CDHR4: variants seen among roughly 807,000 people sequenced by gnomAD.
CDHR4 encodes the protein cadherin related family member 4.
Under a neutral mutation model 88.4 loss-of-function variants are expected in CDHR4, and 89 were observed. The observed-to-expected ratio is 1.01, with a 90% CI of 0.85 to 1.20. The LOEUF (loss-of-function observed/expected upper bound fraction) is 1.20, where lower values mean the gene tolerates loss of function less well. Ranked by LOEUF, CDHR4 falls within the 50% of genes most tolerant of loss-of-function variation. The pLI, the probability that CDHR4 is intolerant of heterozygous loss-of-function variation, is 0.00. For missense variants in CDHR4, 914 were observed against 1,007.2 expected (o/e 0.91, Z 1.25); for synonymous variants, 368 against 399.2 (o/e 0.92, Z 0.93).
chr3:49,791,115 C>A (rs142634142), intron 18 of CDHR4, among the ~76,000 whole-genome samples: 1 of 152,304 alleles, frequency 6.6e-6, no homozygotes, highest in Non-Finnish European at 1.5e-5. Flanking sequence ...TGGACACCAG[C>A]TTCCCTAAGG....
At chr3:49,796,370 T>G (rs1194815347) in intron 5 of CDHR4, among the ~76,000 whole-genome samples, 1 of 152,188 alleles carries the variant, frequency 6.6e-6, no homozygotes. Flanking sequence ...AACTTTTTTT[T>G]TTTTTGCCCA....
chr3:49,794,146 C>G, intron 10 of CDHR4, 140 bp from the exon 11 acceptor site: 1 of 798,782 alleles, frequency 1.3e-6, no homozygotes, highest in South Asian at 1.7e-5. Flanking sequence ...CGCCTGTAAT[C>G]CCAGCACTTT....
chr3:49,796,346 A>G (rs2081270506), intron 5 of CDHR4, among the ~76,000 whole-genome samples: 1 of 151,464 alleles, frequency 6.6e-6, no homozygotes, highest in African/African-American at 2.4e-5. Context: ...GACTGCACTG[A>G]CCATTTTACT....
At position 49,795,723 on chromosome 3, in the gene CDHR4, G is replaced by A; in HGVS notation, c.752C>T (p.Pro251Leu). The A allele has an allele frequency of 6.4e-7, 1 of 1,551,678 alleles. No homozygotes were observed. The highest frequency in any genetic ancestry group is 8.7e-7 in the Non-Finnish European group (1 of 1,146,974). Reference sequence around the variant, plus strand: ...CTGGACCTGAACCACCTCACTACCGGGGGCCAGATTCTCAGGGATGGTGAT... The same window carrying A: ...CTGGACCTGAACCACCTCACTACCGAGGGCCAGATTCTCAGGGATGGTGAT... ...QNITIPENLAPGSEVVQVQAR... is the reference protein window; with the variant it reads ...QNITIPENLALGSEVVQVQAR... Residue 251 changes from proline (P) to leucine (L), a missense_variant, in exon 7 of 19, where the codon CCC (proline) becomes CTC (leucine). Physicochemically the swap from Pro to Leu is moderately conservative, Grantham distance 98. Transcript: ENST00000412678. The surrounding 1 kb of genome is among the most constrained non-coding windows in gnomAD (Gnocchi z 5.4).
chr3:49,795,076 G>T lies in CDHR4; in HGVS notation c.1056C>A (p.Pro352=), dbSNP rs1052112325. 1.3e-6 allele frequency: 2 copies of T among 1,551,692 alleles called. No homozygotes were observed. Among genetic ancestry groups the T allele is most frequent in the Non-Finnish European group, 1.7e-6 (2 of 1,146,996 alleles). Residue 352 remains proline, a synonymous_variant, in exon 9 of 19, where the codon CCC becomes CCA. Coordinates refer to ENST00000412678, the MANE Select transcript of CDHR4 (RefSeq NM_001007540.4). This position sits in a 1 kb window ranked among gnomAD's most constrained non-coding sequence, Gnocchi z 5.4. ...TGAGAGTATTCAGCACGGTGCCCAC[G>T]GGTGCAGTCTCCGGGATTTGGGACC... ...LLVSQIPETA[P]VGTVLNTLTC... is the part of the protein sequence containing the mutation.
intron 9 of CDHR4, 27 bp downstream of exon 9, chr3:49,794,920 G>A (rs2081244614): frequency 6.4e-7 from 1 of 1,551,266 alleles, no homozygotes; most frequent in Non-Finnish European, 8.7e-7. Context: ...CACCCTGCAA[G>A]TGGGTCTGGG....
At chr3:49,792,698 C>A in intron 14 of CDHR4, 88 bp from the exon 15 acceptor site, 19 of 1,514,906 alleles carry the variant, frequency 1.3e-5, no homozygotes, top group Non-Finnish European at 1.7e-5. Context: ...TAAGCCACCC[C>A]ACACCCATGA....
chr3:49,792,483 C>T lies in CDHR4; in HGVS notation c.2123G>A (p.Gly708Asp). ...GGATCCCTACCCCTGGAGGAGCCTGCCAAGAAGCCAGCCTAGGGCCAAGAG... is the reference window on the plus strand; with the variant it reads ...GGATCCCTACCCCTGGAGGAGCCTGTCAAGAAGCCAGCCTAGGGCCAAGAG... ...LLLLALGWLL[G>D]RLLQGLAQLL... Residue 708 changes from glycine (G) to aspartate (D), a missense_variant, in exon 15 of 19, where the codon GGC becomes GAC. By Grantham distance (94) the Gly-to-Asp change is moderately conservative. Transcript: ENST00000412678. The T allele has an allele frequency of 6.4e-7, 1 of 1,551,666 alleles. No individual in the cohort carries two copies. Among genetic ancestry groups the T allele is most frequent in the Non-Finnish European group, 8.7e-7 (1 of 1,146,974 alleles).
chr3:49,791,903 C>T lies in CDHR4; in HGVS notation c.2195G>A (p.Ser732Asn). 1 of 1,551,708 alleles carries T rather than the reference C, an allele frequency of 6.4e-7. No individual in the cohort carries two copies. The highest frequency in any genetic ancestry group is 8.7e-7 in the Non-Finnish European group (1 of 1,146,992). ...SKPAQALLLN[S>N]IQGTEGSIEG... ...ATAGAAGTATGCAAAGGAGACTGAC[C>T]TGTTTAGCAGCAAAGCCTGGGCTGG... Residue 732 changes from serine to asparagine, a missense_variant and splice_region_variant, in exon 16 of 19, where the codon AGC (serine) becomes AAC (asparagine). Ser to Asn is a conservative substitution (Grantham distance 46). Transcript: ENST00000412678.
At chr3:49,802,108 C>T (rs2081369336), upstream of CDHR4, among the ~76,000 whole-genome samples, 1 of 152,182 alleles carries the variant, frequency 6.6e-6, no homozygotes, top group Non-Finnish European at 1.5e-5. Flanking sequence ...GCTCCTTCTG[C>T]CTAGAATGTT....
chr3:49,802,231 T>C (rs956738368), upstream of CDHR4, among the ~76,000 whole-genome samples: 1 of 152,048 alleles, frequency 6.6e-6, no homozygotes, highest in African/African-American at 2.4e-5. Context: ...TGGAGTGCAG[T>C]GGCGCGATCT....
At position 49,795,734 on chromosome 3, in the gene CDHR4, C is replaced by T. The variant is rs543137199; in HGVS notation, c.741G>A (p.Glu247=). The T allele has an allele frequency of 4.5e-6, 7 of 1,551,706 alleles. No homozygotes were observed. In the East Asian group the frequency reaches 1.2e-4, roughly 27 times the overall value. ...CCACCTCACTACCGGGGGCCAGATT[C>T]TCAGGGATGGTGATATTCTGAGCCT... The part of the protein sequence containing the change: ...LEQAQNITIP[E]NLAPGSEVVQ... The change falls in exon 7 of 19, where the codon GAG becomes GAA. Residue 247 remains glutamate, a synonymous_variant. Coordinates refer to ENST00000412678, the MANE Select transcript of CDHR4 (RefSeq NM_001007540.4). The surrounding 1 kb of genome is among the most constrained non-coding windows in gnomAD (Gnocchi z 5.4).
At position 49,792,864 on chromosome 3, in the gene CDHR4, T is replaced by C; in HGVS notation, c.1985A>G (p.His662Arg). ...RRASTVATST[H>R]RTTVPSTMTP... is the part of the protein sequence containing the mutation. Reference sequence around the variant, plus strand: ...AAGGAGCCTCCTCACTGTGGTTCTGTGGGTGCTGGTGGCCACTGTGCTGGC... The same window carrying C: ...AAGGAGCCTCCTCACTGTGGTTCTGCGGGTGCTGGTGGCCACTGTGCTGGC... Residue 662 changes from histidine (H) to arginine (R), a missense_variant, in exon 14 of 19, where the codon CAC becomes CGC. His to Arg is a conservative substitution (Grantham distance 29). Coordinates refer to ENST00000412678, the MANE Select transcript of CDHR4 (RefSeq NM_001007540.4). The C allele has an allele frequency of 1.3e-6, 2 of 1,538,436 alleles. No individual in the cohort carries two copies. The highest frequency in any genetic ancestry group is 2.4e-5 in the South Asian group (2 of 83,004).
Position 49,790,905 on chromosome 3 carries a change from G to C in CDHR4, c.2312-18C>G. 1.3e-6 allele frequency: 2 copies of C among 1,548,612 alleles called. No homozygotes were observed. Among genetic ancestry groups the C allele is most frequent in the Non-Finnish European group, 1.7e-6 (2 of 1,145,186 alleles). On this transcript the variant is annotated intron_variant, in intron 18 of 18. Coordinates refer to ENST00000412678, the MANE Select transcript of CDHR4 (RefSeq NM_001007540.4). The stretch of plus-strand genomic sequence containing the variant: ...TCCGGTACCTAAAACCGGTAGGAGA[G>C]AGAGGAGAGCAGGGGGTGCTGCTGG...
rs201296837 is a variant in CDHR4, at chr3:49,798,834, C to T, written c.487G>A (p.Gly163Arg). The T allele has an allele frequency of 1.6e-5, 26 of 1,613,808 alleles. No individual in the cohort carries two copies. The highest frequency in any genetic ancestry group is 9.9e-5 in the South Asian group (9 of 91,052). ...CCATGTTCTGGGCTTACCTGCGCTC[C>T]GTGGAGTTCTAGGCCTGGGAGGAGC... Reference protein sequence around the residue: ...TLLLPGLELHGAQMSIISAQD... With the variant: ...TLLLPGLELHRAQMSIISAQD... Residue 163 changes from glycine to arginine, a missense_variant, in exon 4 of 19, where the codon GGA (glycine) becomes AGA (arginine). Gly to Arg is a moderately radical substitution (Grantham distance 125). Coordinates refer to ENST00000412678, the MANE Select transcript of CDHR4 (RefSeq NM_001007540.4).
Position 49,793,983 on chromosome 3 carries a change from C to T in CDHR4, c.1303G>A (p.Val435Met). ...GGGGAGAACTCGTTGATGGGTGTCA[C>T]CATCACCAGTACCGGCACCTCAGCT... ...MTTEVPVLVMVTPINEFSPAC... is the reference protein window; with the variant it reads ...MTTEVPVLVMMTPINEFSPAC... Residue 435 changes from valine (V) to methionine (M), a missense_variant, in exon 11 of 19, where the codon GTG becomes ATG. Transcript: ENST00000412678. The T allele has an allele frequency of 6.4e-7, 1 of 1,551,674 alleles. No individual in the cohort carries two copies. Among genetic ancestry groups the T allele is most frequent in the Non-Finnish European group, 8.7e-7 (1 of 1,147,000 alleles).
At position 49,791,657 on chromosome 3, in the gene CDHR4, G is replaced by A. The variant is rs528678121; in HGVS notation, c.2283+57C>T. 2.6e-6 allele frequency: 4 copies of A among 1,534,828 alleles called. No homozygotes were observed. The African/African-American group carries it at 4.1e-5, about 16-fold the overall frequency. ...TGGGAAAAAAGGCTTGGAGGGGGCA[G>A]GGGAGTACTCTGAAGCACCCTTGGT... On this transcript the variant is annotated intron_variant, in intron 17 of 18. Transcript: ENST00000412678.
chr3:49,799,803 G>GCAGCACCATGATGACCTGAAGA lies in CDHR4; in HGVS notation c.-13_9dup (p.Leu4SerfsTer21). 6.2e-7 allele frequency: 1 copy of GCAGCACCATGATGACCTGAAGA among 1,613,942 alleles called. No homozygotes were observed. Among genetic ancestry groups the GCAGCACCATGATGACCTGAAGA allele is most frequent in the Non-Finnish European group, 8.5e-7 (1 of 1,179,858 alleles). On this transcript the variant is annotated frameshift_variant, in exon 1 of 19. Coordinates refer to ENST00000412678, the MANE Select transcript of CDHR4 (RefSeq NM_001007540.4). LOFTEE classifies it high-confidence loss of function. ...GCAAAGAGGAACACGAGGAGCCTGA[G>GCAGCACCATGATGACCTGAAGA]CAGCACCATGATGACCTGAAGACAC...
chr3:49,799,569 C>A lies in CDHR4; in HGVS notation c.50-132G>T, dbSNP rs572416714. 1.5e-4 allele frequency: 173 copies of A among 1,135,316 alleles called. No individual in the cohort carries two copies. The African/African-American group carries it at 2.3e-3, about 15-fold the overall frequency. 70.3% of individuals were successfully genotyped at this position (1,135,316 alleles called of 1,614,324 possible). On this transcript the variant is annotated intron_variant, in intron 1 of 18. Transcript: ENST00000412678. ...AAGCAGCTAAGGCCTTTCCTTGTAT[C>A]CAGCATCCAGCATTTCACAGATGGG... is the stretch of plus-strand genomic sequence containing the variant.
Sources: gnomAD v4.1 joint callset for allele counts (sites outside exome capture counted in the v4.1 genomes callset) on GRCh38, gnomAD v4.1.1 for gene constraint, Gnocchi (gnomAD v3.1) non-coding constraint, MANE v1.5 for transcripts, NCBI Gene and HGNC (gene_info 2026-07-23, HGNC 2026-07-21) for gene names.